DMC1: variants seen among roughly 807,000 people sequenced by gnomAD.
DMC1 encodes DNA meiotic recombinase 1, also known as meiotic recombination protein DMC1 homolog.
Under a neutral mutation model 50.1 loss-of-function variants are expected in DMC1, and 27 were observed. The observed-to-expected ratio is 0.54, with a 90% CI of 0.40 to 0.74. The LOEUF is 0.74. Ranked by LOEUF, DMC1 falls within the 30% of genes least tolerant of loss-of-function variation. The probability of loss-of-function intolerance (pLI) is 0.00; values close to 1 mark genes in which losing one functional copy is unlikely to be tolerated. For synonymous variants in DMC1, 148 were observed against 136.1 expected (o/e 1.09, Z -0.61); for missense variants, 295 against 420.2 (o/e 0.70, Z 2.60).
At chr22:38,532,534 C>T (rs1458743966) in intron 12 of DMC1, among the ~76,000 whole-genome samples, 1 of 151,860 alleles carries the variant, frequency 6.6e-6, no homozygotes, top group African/African-American at 2.4e-5. Flanking sequence ...GTTGGCCAGC[C>T]TGGTCTCGAT....
rs201179906 is a variant in DMC1 at position 38,538,288 on chromosome 22, G to T, written c.775+7C>A. On this transcript the variant is annotated splice_region_variant and intron_variant, in intron 11 of 13. Coordinates refer to ENST00000216024, the MANE Select transcript of DMC1 (RefSeq NM_007068.4). Reference sequence around the variant, plus strand: ...GTCACAGATGCCATTTTATTTTAAAGATATACCTTCTGAGATTTTTTGGAG... The same window carrying T: ...GTCACAGATGCCATTTTATTTTAAATATATACCTTCTGAGATTTTTTGGAG... 40 of 1,609,670 alleles carry T rather than the reference G, an allele frequency of 2.5e-5. No individual in the cohort carries two copies. The African/African-American group carries it at 4.4e-4, about 18-fold the overall frequency.
intron 12 of DMC1, among the ~76,000 whole-genome samples, chr22:38,523,559 C>T (rs916883050): frequency 1.3e-5 from 2 of 152,186 alleles, no homozygotes; most frequent in East Asian, 1.9e-4. Context: ...CAATTCCTCT[C>T]TTATTCTCTA....
chr22:38,521,282 G>A (rs896519713), intron 13 of DMC1, among the ~76,000 whole-genome samples: 1 of 152,076 alleles, frequency 6.6e-6, no homozygotes, highest in Non-Finnish European at 1.5e-5. Flanking sequence ...CTAGGTGTAT[G>A]CTTTGAAAGG....
At chr22:38,539,512 A>G (rs1044949888) in intron 8 of DMC1, 100 bp from the exon 9 acceptor site, 2 of 914,736 alleles carry the variant, frequency 2.2e-6, no homozygotes, top group African/African-American at 3.3e-5. Flanking sequence ...CAGAGAAGCC[A>G]AACAATGTAC....
chr22:38,528,063 A>ATT (rs913046899), intron 12 of DMC1, among the ~76,000 whole-genome samples: 25 of 139,932 alleles, frequency 1.8e-4, no homozygotes, highest in African/African-American at 3.4e-4. Flanking sequence ...TATATATTGA[A>ATT]TTTTTTTTTT....
At chr22:38,528,427 TA>T (rs1342805839) in intron 12 of DMC1, among the ~76,000 whole-genome samples, 1 of 152,058 alleles carries the variant, frequency 6.6e-6, no homozygotes, top group Non-Finnish European at 1.5e-5. Context: ...TTCACTTACA[TA>T]CATTTGTTCT....
chr22:38,555,360 CA>C lies in DMC1; in HGVS notation c.375del (p.Phe125LeufsTer17), dbSNP rs1291851883. On this transcript the variant is annotated frameshift_variant, in exon 6 of 14. Coordinates refer to ENST00000216024, the MANE Select transcript of DMC1 (RefSeq NM_007068.4). LOFTEE classifies it high-confidence loss of function. ...AAAATATTAAGGTTCTACCTACCTC[CA>C]AAAGCTTCTGTAATTGCCATACTTT... ...GIESMAITEA[F>X]GEFRTGKTQL... 3.1e-6 allele frequency: 5 copies of C among 1,607,768 alleles called. No homozygotes were observed. Among genetic ancestry groups the C allele is most frequent in the Non-Finnish European group, 4.3e-6 (5 of 1,174,802 alleles).
At chr22:38,529,869 A>G (rs1442504619) in intron 12 of DMC1, among the ~76,000 whole-genome samples, 1 of 152,160 alleles carries the variant, frequency 6.6e-6, no homozygotes, top group Non-Finnish European at 1.5e-5. Flanking sequence ...AGGGACAATA[A>G]GTACTCCTGA....
chr22:38,522,534 C>A (rs2145775810), intron 12 of DMC1, among the ~76,000 whole-genome samples: 1 of 151,978 alleles, frequency 6.6e-6, no homozygotes, highest in Admixed American at 6.6e-5. Flanking sequence ...GCATTCCAGC[C>A]TGGGCAACAG....
chr22:38,530,833 G>A (rs2090144435), intron 12 of DMC1, among the ~76,000 whole-genome samples: 1 of 152,166 alleles, frequency 6.6e-6, no homozygotes, highest in Non-Finnish European at 1.5e-5. Context: ...ACTTTGGGAG[G>A]CTGAGGTGGG....
the DMC1 span, among the ~76,000 whole-genome samples, chr22:38,512,914 T>C: frequency 2.0e-5 from 3 of 151,948 alleles, no homozygotes; most frequent in Admixed American, 2.0e-4. Context: ...CAAAACCCCA[T>C]CTCTATTAAA....
At chr22:38,539,604 A>C (rs1465122986) in intron 8 of DMC1, among the ~76,000 whole-genome samples, 192 bp from the exon 9 acceptor site, 1 of 152,238 alleles carries the variant, frequency 6.6e-6, no homozygotes, top group South Asian at 2.1e-4. Flanking sequence ...TCAACTTACC[A>C]TAGGTAGTGA....
rs16999074 is a variant in DMC1 at position 38,549,870 on chromosome 22, T to C, written c.494+55A>G. On this transcript the variant is annotated intron_variant, in intron 8 of 13. Coordinates refer to ENST00000216024, the MANE Select transcript of DMC1 (RefSeq NM_007068.4). ...TGTATATCTCAGACAAACTCTTCAGTGGTAACATTCCTATATCACACTATT... is the reference window on the plus strand; with the variant it reads ...TGTATATCTCAGACAAACTCTTCAGCGGTAACATTCCTATATCACACTATT... The C allele has an allele frequency of 2.2e-3, 2,909 of 1,324,156 alleles. 60 individuals are homozygous for C. The African/African-American group carries it at 0.038, about 17-fold the overall frequency. The allele number at this position is 1,324,156 out of a possible 1,614,324, so 82.0% of individuals were successfully genotyped here. A position where few individuals can be genotyped will look rare whatever the true frequency, so the allele number is the denominator to read the frequency against.
At chr22:38,532,510 CAG>C (rs2090164008) in intron 12 of DMC1, among the ~76,000 whole-genome samples, 1 of 151,622 alleles carries the variant, frequency 6.6e-6, no homozygotes, top group African/African-American at 2.4e-5. Context: ...TTAGTAGAGA[CAG>C]GGTTTCACCA....
At chr22:38,509,955 T>C in the DMC1 span, among the ~76,000 whole-genome samples, 2 of 152,120 alleles carry the variant, frequency 1.3e-5, no homozygotes, top group Non-Finnish European at 2.9e-5. Flanking sequence ...GGCCACCGCA[T>C]CTGGCCTTCA....
Position 38,520,058 on chromosome 22 carries a change from C to A in DMC1, c.985G>T (p.Ala329Ser). 1 of 1,613,314 alleles carries A rather than the reference C, an allele frequency of 6.2e-7. No individual in the cohort carries two copies. The highest frequency in any genetic ancestry group is 8.5e-7 in the Non-Finnish European group (1 of 1,179,516). Residue 329 changes from alanine (A) to serine (S), a missense_variant, in exon 14 of 14, where the codon GCA (alanine) becomes TCA (serine). Ala to Ser is a moderately conservative substitution (Grantham distance 99). Transcript: ENST00000216024. The part of the protein sequence containing the change: ...PEMPENEATF[A>S]ITAGGIGDAK... ...TCCCCAATTCCTCCAGCAGTTATTGCGAAGGTGGCTTCATTTTCAGGCATC... is the reference window on the plus strand; with the variant it reads ...TCCCCAATTCCTCCAGCAGTTATTGAGAAGGTGGCTTCATTTTCAGGCATC...
chr22:38,511,318 C>T, the DMC1 span, among the ~76,000 whole-genome samples: 3 of 152,052 alleles, frequency 2.0e-5, no homozygotes, highest in Admixed American at 6.6e-5. Flanking sequence ...GTGGCTCACA[C>T]CTGTAATCCC....
At chr22:38,539,533 A>G (rs886074843) in intron 8 of DMC1, 121 bp from the exon 9 acceptor site, 2 of 783,782 alleles carry the variant, frequency 2.6e-6, no homozygotes, top group Non-Finnish European at 4.4e-6. Flanking sequence ...CTGTGAAGGT[A>G]TTCTAGAGGA....
At chr22:38,548,588 A>T (rs1308607057) in intron 8 of DMC1, among the ~76,000 whole-genome samples, 1 of 152,150 alleles carries the variant, frequency 6.6e-6, no homozygotes, top group Non-Finnish European at 1.5e-5. Context: ...GAAGAAAAAA[A>T]TTAGGCCAGG....
Sources: allele counts gnomAD v4.1 joint callset (sites outside exome capture counted in the v4.1 genomes callset), GRCh38; gene constraint gnomAD v4.1.1; transcripts MANE v1.5; gene names NCBI Gene and HGNC (gene_info 2026-07-23, HGNC 2026-07-21).